The following ATP2B2 variants were observed in gnomAD, a reference collection of about 807,000 sequenced individuals.
ATP2B2 encodes the protein plasma membrane calcium-transporting ATPase 2.
ATP2B2 carries 15 observed loss-of-function variants against 120.0 expected under a neutral mutation model. That is an observed-to-expected ratio of 0.12 (90% CI 0.08 to 0.19). ATP2B2 has a LOEUF of 0.19. Among genes scored for constraint, ATP2B2 ranks in the 10% least tolerant of loss-of-function variants. The pLI, the probability that ATP2B2 is intolerant of heterozygous loss-of-function variation, is 1.00. For missense variants in ATP2B2, 1,045 were observed against 1,719.8 expected, an observed-to-expected ratio of 0.61 and a Z score of 6.94; for synonymous variants, 694 against 700.3, an observed-to-expected ratio of 0.99 and a Z score of 0.14.
chr3:10,600,787 A>G (rs1266073618), intron 2 of ATP2B2, among the ~76,000 whole-genome samples: 1 of 152,174 alleles, frequency 6.6e-6, no homozygotes, highest in Non-Finnish European at 1.5e-5. Context: ...GCTTCCCAGA[A>G]AACCAACCTT....
Position 10,340,802 on chromosome 3 carries a change from G to T in ATP2B2, c.2918-98C>A. The stretch of plus-strand genomic sequence containing the variant: ...GTGGGGGCCTCTTCTGAGCAGTGAC[G>T]TGAATCCCCAAGACATCAAGGCATG... On this transcript the variant is annotated intron_variant, in intron 19 of 22. Transcript: ENST00000360273. This position sits in a 1 kb window ranked among gnomAD's most constrained non-coding sequence, Gnocchi z 5.0. 2 of 1,217,896 alleles carry T rather than the reference G, an allele frequency of 1.6e-6. No individual in the cohort carries two copies. The highest frequency in any genetic ancestry group is 2.4e-6 in the Non-Finnish European group (2 of 836,378). The allele number at this position is 1,217,896 out of a possible 1,614,324, so 75.4% of individuals were successfully genotyped here.
chr3:10,657,035 C>A (rs1317047449), intron 1 of ATP2B2, among the ~76,000 whole-genome samples: 2 of 152,170 alleles, frequency 1.3e-5, no homozygotes, highest in African/African-American at 4.8e-5. Flanking sequence ...GGAGAGGAAG[C>A]CACTGAAAGG....
At chr3:10,605,771 C>T (rs760832483) in intron 2 of ATP2B2, among the ~76,000 whole-genome samples, 18 of 152,010 alleles carry the variant, frequency 1.2e-4, no homozygotes, top group Admixed American at 5.2e-4. Context: ...GCCTCAGCCT[C>T]CTGAGTAGCT....
intron 2 of ATP2B2, among the ~76,000 whole-genome samples, chr3:10,615,425 T>C (rs2069358592): frequency 6.6e-6 from 1 of 152,034 alleles, no homozygotes; most frequent in African/African-American, 2.4e-5. Context: ...TGACTCCAAG[T>C]TTTGGATTTA....
chr3:10,643,785 T>C (rs777928678), intron 1 of ATP2B2, among the ~76,000 whole-genome samples: 1 of 152,126 alleles, frequency 6.6e-6, no homozygotes, highest in Non-Finnish European at 1.5e-5. Context: ...AAATGCAGTA[T>C]CTGATCCTAG....
intron 1 of ATP2B2, among the ~76,000 whole-genome samples, chr3:10,678,255 G>T (rs1243807332): frequency 1.3e-5 from 2 of 152,154 alleles, no homozygotes; most frequent in South Asian, 4.1e-4. Context: ...TTTAATAAAG[G>T]CTGGATGGGC....
intron 22 of ATP2B2, among the ~76,000 whole-genome samples, chr3:10,331,681 TC>T (rs570582610): frequency 6.7e-6 from 1 of 148,170 alleles, no homozygotes; most frequent in East Asian, 2.0e-4. Flanking sequence ...GGCTCTTCCA[TC>T]TCCCCTCCCT....
chr3:10,661,698 C>A (rs1319305005), intron 1 of ATP2B2, among the ~76,000 whole-genome samples: 1 of 152,204 alleles, frequency 6.6e-6, no homozygotes, highest in East Asian at 1.9e-4. Context: ...AGATTCCATG[C>A]CATTCCTATC....
chr3:10,392,955 C>T (rs1332109239), intron 5 of ATP2B2, among the ~76,000 whole-genome samples: 3 of 152,148 alleles, frequency 2.0e-5, no homozygotes, highest in African/African-American at 2.4e-5. Flanking sequence ...GTGGAGAGGC[C>T]GGCAGAGGCC....
chr3:10,463,511 G>A (rs1349381895), intron 1 of ATP2B2, among the ~76,000 whole-genome samples: 1 of 152,236 alleles, frequency 6.6e-6, no homozygotes, highest in Admixed American at 6.5e-5. Context: ...ACCCCAGGAA[G>A]GAGCTTCTAT....
At chr3:10,615,138 G>A (rs749477) in intron 2 of ATP2B2, among the ~76,000 whole-genome samples, 79,656 of 151,922 alleles carry the variant, frequency 0.52, 21,735 homozygotes, top group Middle Eastern at 0.61. Flanking sequence ...AACCACTATT[G>A]TCAGGAGAGC....
Position 10,681,551 on chromosome 3 carries a change from G to A in ATP2B2, c.-460+26364C>T, listed in dbSNP as rs111548604. Among the ~76,000 whole-genome samples, 12 of 152,310 alleles carry A rather than the reference G, an allele frequency of 7.9e-5. 1 individual carries two copies. The highest frequency in any genetic ancestry group is 2.4e-4 in the African/African-American group (10 of 41,576). ...CTGTTCATGCAAACATTCACTGAAC[G>A]CCCACTGGGTGCAGGCACTGTGGTT... On this transcript the variant is annotated intron_variant, in intron 1 of 21. Coordinates refer to the ATP2B2 transcript ENST00000646379.
intron 2 of ATP2B2, among the ~76,000 whole-genome samples, chr3:10,441,384 C>T (rs1277748586): frequency 2.0e-5 from 3 of 152,150 alleles, no homozygotes; most frequent in African/African-American, 7.2e-5. Context: ...GGATTACAGG[C>T]GTGCGCCATC....
intron 1 of ATP2B2, among the ~76,000 whole-genome samples, chr3:10,661,928 C>G (rs1008581089): frequency 6.6e-6 from 1 of 152,110 alleles, no homozygotes; most frequent in Non-Finnish European, 1.5e-5. Flanking sequence ...CAGAATAGAG[C>G]TCTCAGAAAT....
In ATP2B2 at chr3:10,576,345, G is replaced by A. The variant is rs148792601; in HGVS notation, c.-414-42212C>T. 5.3e-5 allele frequency among the ~76,000 whole-genome samples: 8 copies of A among 152,264 alleles called. No individual in the cohort carries two copies. The East Asian group carries it at 7.7e-4, about 15-fold the overall frequency. On this transcript the variant is annotated intron_variant, in intron 2 of 21. Transcript: ENST00000646379. The stretch of plus-strand genomic sequence containing the variant: ...CTCAGGCTGCTTAGGCCGAGTGTAC[G>A]GTGAACACTGAGCTCAATCAGAATG...
At chr3:10,393,370 G>C (rs2061921247) in intron 5 of ATP2B2, among the ~76,000 whole-genome samples, 5 of 152,144 alleles carry the variant, frequency 3.3e-5, no homozygotes, top group Admixed American at 3.3e-4. Context: ...TGGGTGGAGG[G>C]GGAGGAAGGA....
chr3:10,513,509 C>T (rs542634097), intron 3 of ATP2B2, among the ~76,000 whole-genome samples: 22 of 152,212 alleles, frequency 1.4e-4, no homozygotes, highest in Middle Eastern at 3.4e-3. Flanking sequence ...GAACACGAAG[C>T]CCTCGGTGAG....
At chr3:10,386,614 T>C in intron 6 of ATP2B2, 102 bp from the exon 7 acceptor site, 1 of 1,286,426 alleles carries the variant, frequency 7.8e-7, no homozygotes, top group Non-Finnish European at 1.1e-6. Flanking sequence ...CATACACACA[T>C]GGCCATACAC....
At chr3:10,557,454 G>A (rs2067806362) in intron 2 of ATP2B2, among the ~76,000 whole-genome samples, 2 of 152,212 alleles carry the variant, frequency 1.3e-5, no homozygotes, top group Admixed American at 1.3e-4. Flanking sequence ...GATGGAAGGA[G>A]GCAGGAGAGC....
Sources: gnomAD v4.1 joint callset for allele counts (sites outside exome capture counted in the v4.1 genomes callset) on GRCh38, gnomAD v4.1.1 for gene constraint, Gnocchi (gnomAD v3.1) non-coding constraint, MANE v1.5 for transcripts, NCBI Gene and HGNC (gene_info 2026-07-23, HGNC 2026-07-21) for gene names.